The following ABLIM2 variants were observed in gnomAD, a reference collection of about 807,000 sequenced individuals.
ABLIM2 encodes actin binding LIM protein family member 2.
Under a neutral mutation model 97.7 loss-of-function variants are expected in ABLIM2, and 53 were observed. That is an observed-to-expected ratio of 0.54 (90% CI 0.44 to 0.68). The LOEUF is 0.68. ABLIM2 is among the 30% of genes least tolerant of loss of function. ABLIM2 has a pLI of 0.00. For missense variants in ABLIM2, 835 were observed against 867.2 expected (o/e 0.96, Z 0.47); for synonymous variants, 361 against 345.8 (o/e 1.04, Z -0.49).
At chr4:7,977,112 C>T (rs985677204) in intron 20 of ABLIM2, among the ~76,000 whole-genome samples, 7 of 152,238 alleles carry the variant, frequency 4.6e-5, no homozygotes, top group Middle Eastern at 6.8e-3. Context: ...ATGCTGTTCT[C>T]GTGATAGAGA....
rs924872847 is a variant in ABLIM2, at chr4:7,992,684, CCTG to C, written c.1680+179_1680+181del. 3.3e-5 allele frequency among the ~76,000 whole-genome samples: 5 copies of C among 152,080 alleles called. No homozygotes were observed. The highest frequency in any genetic ancestry group is 4.4e-5 in the Non-Finnish European group (3 of 68,000). ...GGGTGTTGCCCAGGTCTGGTTCGGT[CCTG>C]CTAGGGAAAAAGCAGTGGTGGCAGT... On this transcript the variant is annotated intron_variant, in intron 17 of 20. Transcript: ENST00000447017. This position sits in a 1 kb window ranked among gnomAD's most constrained non-coding sequence, Gnocchi z 5.7.
intron 14 of ABLIM2, among the ~76,000 whole-genome samples, chr4:8,012,112 A>C (rs966234004): frequency 2.7e-5 from 4 of 147,768 alleles, no homozygotes; most frequent in Admixed American, 2.7e-4. Context: ...CCATCCATCC[A>C]CCCATCCTTC....
At chr4:8,086,548 A>G (rs1245059819) in intron 4 of ABLIM2, among the ~76,000 whole-genome samples, 1 of 151,978 alleles carries the variant, frequency 6.6e-6, no homozygotes, top group Non-Finnish European at 1.5e-5. Context: ...GGGCCTCACC[A>G]TGTCCAGGCT....
rs1768747950 is a variant in ABLIM2, at chr4:8,015,927, C to A, written c.1423+3691G>T. Among the ~76,000 whole-genome samples, 1 of 151,806 alleles carries A rather than the reference C, an allele frequency of 6.6e-6. No homozygotes were observed. Among genetic ancestry groups the A allele is most frequent in the Non-Finnish European group, 1.5e-5 (1 of 68,016 alleles). ...GCATATTTTCCTAAATTTTATATAG[C>A]AAATCGATGATAAAATCACCACACT... On this transcript the variant is annotated intron_variant, in intron 14 of 20. Transcript: ENST00000447017. This position sits in a 1 kb window ranked among gnomAD's most constrained non-coding sequence, Gnocchi z 4.6.
chr4:8,122,566 C>T lies in ABLIM2; in HGVS notation c.11-15929G>A, dbSNP rs543638801. Among the ~76,000 whole-genome samples, 6 of 152,320 alleles carry T rather than the reference C, an allele frequency of 3.9e-5. No homozygotes were observed. The highest frequency in any genetic ancestry group is 7.2e-5 in the African/African-American group (3 of 41,580). ...TCCCATCATGAGGACCCCACCCTCA[C>T]GACCTCATCTAAACCCCATCACCTC... On this transcript the variant is annotated intron_variant, in intron 1 of 20. Coordinates refer to ENST00000447017, the MANE Select transcript of ABLIM2 (RefSeq NM_001130083.2). This position sits in a 1 kb window ranked among gnomAD's most constrained non-coding sequence, Gnocchi z 4.1.
intron 20 of ABLIM2, 26 bp downstream of exon 20, chr4:7,983,238 C>T (rs1044395799): frequency 1.9e-6 from 3 of 1,595,318 alleles, no homozygotes; most frequent in Admixed American, 3.5e-5. Context: ...GAAATGAGTC[C>T]CCTGCCCCGG....
At position 7,992,805 on chromosome 4, in the gene ABLIM2, A is replaced by G. The variant is rs1052110551; in HGVS notation, c.1680+61T>C. 8 of 1,561,310 alleles carry G rather than the reference A, an allele frequency of 5.1e-6. No individual in the cohort carries two copies. The East Asian group carries it at 9.1e-5, about 18-fold the overall frequency. On this transcript the variant is annotated intron_variant, in intron 17 of 20. Transcript: ENST00000447017. This position sits in a 1 kb window ranked among gnomAD's most constrained non-coding sequence, Gnocchi z 5.7. ...GCTGTGTGGTCAAGAAGCTGTGGGAAACGTGCTCAGCCTCACAGCAATCGT... is the reference window on the plus strand; with the variant it reads ...GCTGTGTGGTCAAGAAGCTGTGGGAGACGTGCTCAGCCTCACAGCAATCGT...
rs78389370 is a variant in ABLIM2, at chr4:8,058,878, C to T, written c.763+2089G>A. Among the ~76,000 whole-genome samples, 727 of 152,254 alleles carry T rather than the reference C, an allele frequency of 4.8e-3. 4 individuals are homozygous for T. Among genetic ancestry groups the T allele is most frequent in the African/African-American group, 0.016 (669 of 41,550 alleles). On this transcript the variant is annotated intron_variant, in intron 7 of 20. Transcript: ENST00000447017. This position sits in a 1 kb window ranked among gnomAD's most constrained non-coding sequence, Gnocchi z 4.2. ...ATTGAGTTCCTCATCCCATCTTTGA[C>T]GACTCAGTCCTTAGCCTGTCTTCGG...
intron 2 of ABLIM2, among the ~76,000 whole-genome samples, chr4:8,099,452 C>T (rs1355813090): frequency 6.6e-6 from 1 of 152,180 alleles, no homozygotes; most frequent in Non-Finnish European, 1.5e-5. Context: ...CCCGGGAGCA[C>T]CAGGCAAGTG....
rs886139637 is a variant in ABLIM2 at position 8,147,575 on chromosome 4, A to C, written c.10+11105T>G. Reference sequence around the variant, plus strand: ...GGAGGGAGCGGGAGACGACACACACAGGGGAGAAGTAGCATGAAGATGGAG... The same window carrying C: ...GGAGGGAGCGGGAGACGACACACACCGGGGAGAAGTAGCATGAAGATGGAG... On this transcript the variant is annotated intron_variant, in intron 1 of 20. Coordinates refer to ENST00000447017, the MANE Select transcript of ABLIM2 (RefSeq NM_001130083.2). This position sits in a 1 kb window ranked among gnomAD's most constrained non-coding sequence, Gnocchi z 5.3. 1.3e-5 allele frequency among the ~76,000 whole-genome samples: 2 copies of C among 152,168 alleles called. No individual in the cohort carries two copies. Among genetic ancestry groups the C allele is most frequent in the African/African-American group, 4.8e-5 (2 of 41,430 alleles).
intron 15 of ABLIM2, 112 bp downstream of exon 15, chr4:8,008,938 T>C: frequency 7.4e-7 from 1 of 1,343,304 alleles, no homozygotes; most frequent in Non-Finnish European, 1.1e-6. Flanking sequence ...GCAGGGCCCC[T>C]AAGGAACAGA....
At position 8,079,482 on chromosome 4, in the gene ABLIM2, C is replaced by T. The variant is rs1035458240; in HGVS notation, c.581+1194G>A. 4.6e-5 allele frequency among the ~76,000 whole-genome samples: 7 copies of T among 152,264 alleles called. No individual in the cohort carries two copies. In the South Asian group the frequency reaches 8.3e-4, roughly 18 times the overall value. ...GGTCCCTGGATGACCGTGACACAGG[C>T]GGGGAAACTCATGCACCGCACAGGT... is the stretch of plus-strand genomic sequence containing the variant. On this transcript the variant is annotated intron_variant, in intron 5 of 20. Transcript: ENST00000447017.
chr4:8,090,117 C>G (rs1235851973), intron 3 of ABLIM2, among the ~76,000 whole-genome samples: 1 of 152,190 alleles, frequency 6.6e-6, no homozygotes, highest in African/African-American at 2.4e-5. Flanking sequence ...ACCCAGGGCC[C>G]TCCCCTCCCA....
chr4:7,973,024 AGAC>A (rs202033375), intron 20 of ABLIM2, among the ~76,000 whole-genome samples: 2,130 of 150,812 alleles, frequency 0.014, 49 homozygotes, highest in African/African-American at 0.05. Context: ...AGGGCCTGGA[AGAC>A]GACAGTTCAA....
intron 3 of ABLIM2, among the ~76,000 whole-genome samples, chr4:8,089,306 C>G (rs551513235): frequency 1.2e-4 from 19 of 152,190 alleles, no homozygotes; most frequent in Non-Finnish European, 2.6e-4. Context: ...GCTGCCATGT[C>G]TGCCCTCGAC....
In ABLIM2 at chr4:7,983,304, C is replaced by T. The variant is rs750016618; in HGVS notation, c.1784G>A (p.Arg595His). The change falls in exon 20 of 21, where the codon CGC (arginine) becomes CAC (histidine). Residue 595 changes from arginine (R) to histidine (H), a missense_variant. Physicochemically the swap from Arg to His is conservative, Grantham distance 29. Coordinates refer to ENST00000447017, the MANE Select transcript of ABLIM2 (RefSeq NM_001130083.2). ...GTCCACGTCTTTGGGCAGTTTCACG[C>T]GAATTCGGTTTGTGACGATGAGGGA... ...YDSLIVTNRI[R>H]VKLPKDVDRT... 3.4e-5 allele frequency: 55 copies of T among 1,612,516 alleles called. No homozygotes were observed. Among genetic ancestry groups the T allele is most frequent in the East Asian group, 8.9e-5 (4 of 44,848 alleles).
Position 8,112,459 on chromosome 4 carries a change from G to A in ABLIM2, c.11-5822C>T, listed in dbSNP as rs911966762. Among the ~76,000 whole-genome samples, 2 of 152,218 alleles carry A rather than the reference G, an allele frequency of 1.3e-5. No individual in the cohort carries two copies. The highest frequency in any genetic ancestry group is 4.8e-5 in the African/African-American group (2 of 41,462). On this transcript the variant is annotated intron_variant, in intron 1 of 20. Transcript: ENST00000447017. This position sits in a 1 kb window ranked among gnomAD's most constrained non-coding sequence, Gnocchi z 4.2. Reference sequence around the variant, plus strand: ...CACGTGCAAGGTCTGACAGGTGGCCGTGAACAGTAGCTGTTAGCTGAATCC... The same window carrying A: ...CACGTGCAAGGTCTGACAGGTGGCCATGAACAGTAGCTGTTAGCTGAATCC...
chr4:8,028,296 T>C (rs1778717172), intron 11 of ABLIM2, among the ~76,000 whole-genome samples: 1 of 152,208 alleles, frequency 6.6e-6, no homozygotes, highest in Non-Finnish European at 1.5e-5. Context: ...CAGGCTGTCC[T>C]TGTGCTATGG....
At chr4:8,086,673 G>A (rs1303443195) in intron 4 of ABLIM2, among the ~76,000 whole-genome samples, 1 of 152,096 alleles carries the variant, frequency 6.6e-6, no homozygotes, top group East Asian at 1.9e-4. Flanking sequence ...TTGGCTGCCA[G>A]GAAGCTGTGG....
Sources: allele counts gnomAD v4.1 joint callset (sites outside exome capture counted in the v4.1 genomes callset), GRCh38; gene constraint gnomAD v4.1.1; non-coding constraint Gnocchi (gnomAD v3.1); transcripts MANE v1.5; gene names NCBI Gene and HGNC (gene_info 2026-07-23, HGNC 2026-07-21).